Variants in CYP24A1 observed in about 807,000 individuals in gnomAD.
CYP24A1 encodes the protein cytochrome P450 family 24 subfamily A member 1, also known as 1,25-dihydroxyvitamin D(3) 24-hydroxylase, mitochondrial.
CYP24A1 carries 68 observed loss-of-function variants against 62.4 expected under a neutral mutation model. The observed-to-expected ratio is 1.09, with a 90% CI of 0.90 to 1.33. The LOEUF is 1.33. Ranked by LOEUF, CYP24A1 falls within the 40% of genes most tolerant of loss-of-function variation. The pLI, the probability that CYP24A1 is intolerant of heterozygous loss-of-function variation, is 0.00. For synonymous variants in CYP24A1, 267 were observed against 253.0 expected (o/e 1.06, Z -0.52); for missense variants, 787 against 653.0 (o/e 1.21, Z -2.24).
At chr20:54,168,380 C>T (rs931940001) in intron 4 of CYP24A1, among the ~76,000 whole-genome samples, 4 of 152,136 alleles carry the variant, frequency 2.6e-5, no homozygotes, top group Admixed American at 2.6e-4. Context: ...TTGCCAGGAC[C>T]TATGAGCTGT....
Position 54,157,378 on chromosome 20 carries a change from A to G in CYP24A1, c.1434+10T>C. ...CAGAACATAATTGCAGAAACCGGTA[A>G]AGGTTTTACCCAACAAAGAGCCAAA... On this transcript the variant is annotated intron_variant, in intron 10 of 11. Coordinates refer to ENST00000216862, the MANE Select transcript of CYP24A1 (RefSeq NM_000782.5). The G allele has an allele frequency of 6.4e-7, 1 of 1,560,666 alleles. No individual in the cohort carries two copies. The highest frequency in any genetic ancestry group is 8.8e-7 in the Non-Finnish European group (1 of 1,131,112).
rs751354816 is a variant in CYP24A1 at position 54,173,324 on chromosome 20, G to T, written c.256C>A (p.Leu86Met). The T allele has an allele frequency of 6.2e-7, 1 of 1,608,618 alleles. No individual in the cohort carries two copies. The highest frequency in any genetic ancestry group is 1.3e-5 in the African/African-American group (1 of 74,996). Residue 86 changes from leucine to methionine, a missense_variant and splice_region_variant, in exon 1 of 12, where the codon CTG (leucine) becomes ATG (methionine). Transcript: ENST00000216862. This position sits in a 1 kb window ranked among gnomAD's most constrained non-coding sequence, Gnocchi z 7.2. The part of the protein sequence containing the change: ...KGGLKKQHDT[L>M]VEYHKKYGKI... ...CAGGGGCGCGAAAAGGGGTTTACCAGGGTGTCGTGCTGTTTCTTGAGACCC... is the reference window on the plus strand; with the variant it reads ...CAGGGGCGCGAAAAGGGGTTTACCATGGTGTCGTGCTGTTTCTTGAGACCC...
chr20:54,157,455 C>T lies in CYP24A1; in HGVS notation c.1367G>A (p.Gly456Asp). 6.2e-7 allele frequency: 1 copy of T among 1,604,442 alleles called. No individual in the cohort carries two copies. The highest frequency in any genetic ancestry group is 8.5e-7 in the Non-Finnish European group (1 of 1,171,142). The change falls in exon 10 of 12, where the codon GGC (glycine) becomes GAC (aspartate). Residue 456 changes from glycine to aspartate, a missense_variant. Gly to Asp is a moderately conservative substitution (Grantham distance 94, BLOSUM62 -1). Transcript: ENST00000216862. ...KINPFAHLPF[G>D]VGKRMCIGRR... Reference sequence around the variant, plus strand: ...ACCAATGCACATTCTTTTTCCAACGCCAAATGGAAGATGCGCAAAAGGATT... The same window carrying T: ...ACCAATGCACATTCTTTTTCCAACGTCAAATGGAAGATGCGCAAAAGGATT...
intron 8 of CYP24A1, 74 bp from the exon 9 acceptor site, chr20:54,158,238 A>G (rs1001152932): frequency 6.3e-7 from 1 of 1,598,104 alleles, no homozygotes; most frequent in Non-Finnish European, 8.5e-7. Flanking sequence ...GGGAATGCAG[A>G]TTGGATTAAA....
intron 6 of CYP24A1, among the ~76,000 whole-genome samples, chr20:54,164,145 G>A (rs572032652): frequency 6.6e-6 from 1 of 152,090 alleles, no homozygotes. Context: ...CGTGTTGACC[G>A]GGCTGATCTC....
chr20:54,171,638 G>A lies in CYP24A1; in HGVS notation c.482C>T (p.Ala161Val). The change falls in exon 3 of 12, where the codon GCC becomes GTC. Residue 161 changes from alanine to valine, a missense_variant. Coordinates refer to ENST00000216862, the MANE Select transcript of CYP24A1 (RefSeq NM_000782.5). ...EGEDWQRVRS[A>V]FQKKLMKPGE... Reference sequence around the variant, plus strand: ...TGGTTTCATTAGTTTCTTTTGAAAGGCACTCCGGACCCGCTGCCAGTCTTC... The same window carrying A: ...TGGTTTCATTAGTTTCTTTTGAAAGACACTCCGGACCCGCTGCCAGTCTTC... 1 of 1,613,844 alleles carries A rather than the reference G, an allele frequency of 6.2e-7. No individual in the cohort carries two copies. Among genetic ancestry groups the A allele is most frequent in the Non-Finnish European group, 8.5e-7 (1 of 1,179,878 alleles).
chr20:54,171,540 C>G, intron 3 of CYP24A1, 37 bp downstream of exon 3: 1 of 1,613,714 alleles, frequency 6.2e-7, no homozygotes, highest in Admixed American at 1.7e-5. Flanking sequence ...CCCTATGTCC[C>G]CACGAGCCCC....
chr20:54,150,484 C>T (rs754345064), downstream of CYP24A1, among the ~76,000 whole-genome samples: 9 of 152,164 alleles, frequency 5.9e-5, no homozygotes, highest in Non-Finnish European at 1.0e-4. Context: ...TAAGCACCTG[C>T]CACCATGCCC....
chr20:54,161,727 C>T (rs1485556839), intron 7 of CYP24A1, among the ~76,000 whole-genome samples: 1 of 152,090 alleles, frequency 6.6e-6, no homozygotes, highest in Non-Finnish European at 1.5e-5. Context: ...GAAGGAGCCA[C>T]CCAGGGTAAG....
intron 7 of CYP24A1, 135 bp downstream of exon 7, chr20:54,162,582 G>GAGGCCGTGAGCTGAGGCACCGTGGTAT (rs1449655477): frequency 1.4e-6 from 1 of 735,884 alleles, no homozygotes; most frequent in Non-Finnish European, 2.5e-6. Flanking sequence ...CATCTAGTAT[G>GAGGCCGTGAGCTGAGGCACCGTGGTAT]AGACTTTTCA....
rs566792866 is a variant in CYP24A1 at position 54,154,088 on chromosome 20, C to T, written c.*684G>A. 8 of 152,206 alleles carry T rather than the reference C, an allele frequency of 5.3e-5. No homozygotes were observed. The highest frequency in any genetic ancestry group is 1.9e-4 in the African/African-American group (8 of 41,518). The allele number at this position is 152,206 out of a possible 1,614,324, so 9.4% of individuals were successfully genotyped here. On this transcript the variant is annotated 3_prime_UTR_variant, in exon 12 of 12. Transcript: ENST00000216862. ...ACACACACAGACACACACACACATG[C>T]ATGTCTGTGCTTCATATGCACATAC...
intron 3 of CYP24A1, among the ~76,000 whole-genome samples, chr20:54,171,196 C>G (rs764602375): frequency 5.9e-5 from 9 of 152,212 alleles, no homozygotes; most frequent in Non-Finnish European, 8.8e-5. Context: ...ATTCTCACAG[C>G]AAACCCGTGG....
chr20:54,162,419 T>A (rs532232597), intron 7 of CYP24A1, among the ~76,000 whole-genome samples: 16 of 110,418 alleles, frequency 1.4e-4, no homozygotes, highest in Non-Finnish European at 1.8e-4. Flanking sequence ...ACTCATCACA[T>A]CCTACTCTGG....
downstream of CYP24A1, among the ~76,000 whole-genome samples, chr20:54,152,744 C>T (rs1055588249): frequency 4.6e-5 from 7 of 152,070 alleles, no homozygotes; most frequent in Non-Finnish European, 1.0e-4. Context: ...TTGATAGGGC[C>T]TGGAAGTGTG....
chr20:54,171,912 T>C, intron 2 of CYP24A1: 1 of 985,930 alleles, frequency 1.0e-6, no homozygotes, highest in Non-Finnish European at 1.4e-6. Context: ...CACCAAAAAG[T>C]TGAAGTCCAG....
chr20:54,159,021 C>A lies in CYP24A1; in HGVS notation c.1093G>T (p.Val365Leu), dbSNP rs750274913. The A allele has an allele frequency of 6.2e-7, 1 of 1,614,190 alleles. No individual in the cohort carries two copies. The highest frequency in any genetic ancestry group is 8.5e-7 in the Non-Finnish European group (1 of 1,180,026). Reference protein sequence around the residue: ...EIQSVLPENQVPRAEDLRNMP... With the variant: ...EIQSVLPENQLPRAEDLRNMP... Reference sequence around the variant, plus strand: ...TTCCTCAAATCTTCTGCCCGTGGCACCTGATTCTCAGGTAATACACTTTGA... The same window carrying A: ...TTCCTCAAATCTTCTGCCCGTGGCAACTGATTCTCAGGTAATACACTTTGA... The change falls in exon 8 of 12, where the codon GTG (valine) becomes TTG (leucine). Residue 365 changes from valine to leucine, a missense_variant. Transcript: ENST00000216862.
chr20:54,162,430 C>CA (rs913779805), intron 7 of CYP24A1: 23 of 406,238 alleles, frequency 5.7e-5, no homozygotes, highest in Admixed American at 1.5e-4. Context: ...CCTACTCTGG[C>CA]TTTTTGTCAC....
intron 5 of CYP24A1, among the ~76,000 whole-genome samples, chr20:54,164,984 T>G (rs545264002): frequency 6.6e-6 from 1 of 152,398 alleles, no homozygotes; most frequent in African/African-American, 2.4e-5. Context: ...TGAAAAATTT[T>G]GGGCTCTTTT....
chr20:54,153,438 G>C (rs907045064), downstream of CYP24A1: 1 of 152,166 alleles, frequency 6.6e-6, no homozygotes, highest in African/African-American at 2.4e-5. Flanking sequence ...ATAAAGAGGG[G>C]AAGTCTCTCA....
Sources: allele counts gnomAD v4.1 joint callset (sites outside exome capture counted in the v4.1 genomes callset), GRCh38; gene constraint gnomAD v4.1.1; non-coding constraint Gnocchi (gnomAD v3.1); transcripts MANE v1.5; gene names NCBI Gene and HGNC (gene_info 2026-07-23, HGNC 2026-07-21).